PLEKHA6: variants seen among roughly 807,000 people sequenced by gnomAD.
PLEKHA6 encodes the protein pleckstrin homology domain-containing family A member 6.
PLEKHA6 carries 60 observed loss-of-function variants against 116.7 expected under a neutral mutation model. The ratio of observed to expected loss-of-function variants is 0.51; its 90% CI spans 0.42 to 0.64. PLEKHA6 has a LOEUF of 0.64. Among genes scored for constraint, PLEKHA6 ranks in the 30% least tolerant of loss-of-function variants. The pLI is 0.00. For missense variants in PLEKHA6, 1,338 were observed against 1,422.7 expected, an observed-to-expected ratio of 0.94 and a Z score of 0.96; for synonymous variants, 489 against 556.1, an observed-to-expected ratio of 0.88 and a Z score of 1.70.
chr1:204,324,969 G>A (rs1672192693), intron 1 of PLEKHA6, among the ~76,000 whole-genome samples: 1 of 151,998 alleles, frequency 6.6e-6, no homozygotes, highest in African/African-American at 2.4e-5. Flanking sequence ...CCAGGCTGGA[G>A]TGCAGTGGCG....
At chr1:204,344,599 CAAAA>C (rs58633345) in intron 1 of PLEKHA6, among the ~76,000 whole-genome samples, 44,975 of 122,018 alleles carry the variant, frequency 0.37, 8,208 homozygotes, top group Middle Eastern at 0.48. Context: ...GACTCCATCT[CAAAA>C]AAAAAAAAAA....
At chr1:204,284,633 CT>C (rs1266662381) in intron 1 of PLEKHA6, among the ~76,000 whole-genome samples, 1 of 152,038 alleles carries the variant, frequency 6.6e-6, no homozygotes, top group African/African-American at 2.4e-5. Context: ...GTGAGCTCCC[CT>C]GACGCCCCCG....
intron 21 of PLEKHA6, among the ~76,000 whole-genome samples, chr1:204,224,501 C>A (rs1476652443): frequency 6.6e-6 from 1 of 151,828 alleles, no homozygotes. Context: ...TCGTCCCCCA[C>A]CCTACCCTGG....
chr1:204,281,990 G>C (rs569859387), intron 1 of PLEKHA6, among the ~76,000 whole-genome samples: 1 of 152,180 alleles, frequency 6.6e-6, no homozygotes, highest in Admixed American at 6.5e-5. Context: ...GAAGATAGAA[G>C]AGATGGCTCC....
chr1:204,338,505 A>G (rs958533193), intron 1 of PLEKHA6, among the ~76,000 whole-genome samples: 1 of 152,180 alleles, frequency 6.6e-6, no homozygotes, highest in Non-Finnish European at 1.5e-5. Flanking sequence ...AATTTATGGA[A>G]GCCCTTTTCT....
At chr1:204,279,215 C>T (rs994232379) in intron 1 of PLEKHA6, among the ~76,000 whole-genome samples, 1 of 152,186 alleles carries the variant, frequency 6.6e-6, no homozygotes, top group Admixed American at 6.5e-5. Context: ...CTCCCACAGC[C>T]TTTGCTTAAG....
rs78025242 is a variant in PLEKHA6 at position 204,280,638 on chromosome 1, T to G, written c.-94-5829A>C. On this transcript the variant is annotated intron_variant, in intron 1 of 22. Transcript: ENST00000272203. ...AGGGGGTCCCATCCCTTCCACTTCC[T>G]TCTTTCTCCCAGCTAGCAAATTCCA... Among the ~76,000 whole-genome samples the G allele has an allele frequency of 5.9e-5, 9 of 152,322 alleles. No individual in the cohort carries two copies. The East Asian group carries it at 1.7e-3, about 29-fold the overall frequency.
intron 1 of PLEKHA6, among the ~76,000 whole-genome samples, chr1:204,310,464 A>G (rs747704400): frequency 1.1e-4 from 17 of 152,164 alleles, no homozygotes; most frequent in Non-Finnish European, 2.2e-4. Context: ...AGTTCACCAA[A>G]GTACCTCAGC....
At position 204,310,689 on chromosome 1, in the gene PLEKHA6, T is replaced by A. The variant is rs1288093988; in HGVS notation, c.-94-35880A>T. Among the ~76,000 whole-genome samples, 3 of 152,226 alleles carry A rather than the reference T, an allele frequency of 2.0e-5. No individual in the cohort carries two copies. The South Asian group carries it at 6.2e-4, about 32-fold the overall frequency. On this transcript the variant is annotated intron_variant, in intron 1 of 22. Coordinates refer to ENST00000272203, the MANE Select transcript of PLEKHA6 (RefSeq NM_014935.5). ...TCCTATACAAATGCCTTATACGTAG[T>A]AGAGATGCAATAAATAGTTGCTTGA... is the stretch of plus-strand genomic sequence containing the variant.
chr1:204,286,662 A>G (rs1669208934), intron 1 of PLEKHA6, among the ~76,000 whole-genome samples: 1 of 152,146 alleles, frequency 6.6e-6, no homozygotes, highest in South Asian at 2.1e-4. Context: ...CATTAAACCA[A>G]GCATGTGGGG....
At chr1:204,346,631 C>T (rs1673063475) in intron 1 of PLEKHA6, 1 of 639,576 alleles carries the variant, frequency 1.6e-6, no homozygotes, top group African/African-American at 1.8e-5. Context: ...TCTGATTCCT[C>T]CCTCACTTCC....
chr1:204,281,399 C>A (rs1668592064), intron 1 of PLEKHA6, among the ~76,000 whole-genome samples: 1 of 151,842 alleles, frequency 6.6e-6, no homozygotes, highest in Non-Finnish European at 1.5e-5. Context: ...GTGGCGGGCA[C>A]CTGTAGTCCC....
intron 3 of PLEKHA6, among the ~76,000 whole-genome samples, chr1:204,268,734 G>A (rs373519911): frequency 2.6e-5 from 4 of 151,734 alleles, no homozygotes; most frequent in Admixed American, 6.6e-5. Flanking sequence ...GTCATCTCAT[G>A]CCCAACATAA....
Position 204,247,348 on chromosome 1 carries a change from C to T in PLEKHA6, c.1920+17G>A, listed in dbSNP as rs770073473. 4 of 1,542,844 alleles carry T rather than the reference C, an allele frequency of 2.6e-6. No individual in the cohort carries two copies. In the East Asian group the frequency reaches 6.7e-5, roughly 26 times the overall value. On this transcript the variant is annotated intron_variant, in intron 13 of 22. Transcript: ENST00000272203. ...AGTCACATCCCAATCCCCGCCAGCTCAGGGGCCCTTCTTCACCTGGGTGTC... is the reference window on the plus strand; with the variant it reads ...AGTCACATCCCAATCCCCGCCAGCTTAGGGGCCCTTCTTCACCTGGGTGTC...
At chr1:204,305,184 C>G (rs1024311541) in intron 1 of PLEKHA6, among the ~76,000 whole-genome samples, 6 of 152,168 alleles carry the variant, frequency 3.9e-5, no homozygotes, top group Admixed American at 2.6e-4. Context: ...CCAGAGAGGA[C>G]TGGTTCCATA....
upstream of PLEKHA6, among the ~76,000 whole-genome samples, chr1:204,363,712 T>G (rs1323759417): frequency 6.6e-6 from 1 of 152,050 alleles, no homozygotes; most frequent in East Asian, 1.9e-4. Flanking sequence ...CCAGACCCAC[T>G]ATGGCTGGGA....
At chr1:204,347,837 G>A (rs1400190497) in intron 1 of PLEKHA6, among the ~76,000 whole-genome samples, 6 of 152,058 alleles carry the variant, frequency 3.9e-5, no homozygotes, top group African/African-American at 1.4e-4. Context: ...CAGAGTATAT[G>A]GATGCAGAGA....
At chr1:204,252,399 A>G (rs1664687298) in intron 9 of PLEKHA6, among the ~76,000 whole-genome samples, 1 of 151,982 alleles carries the variant, frequency 6.6e-6, no homozygotes, top group African/African-American at 2.4e-5. Context: ...CAACCAATCA[A>G]CCAGAAATGC....
At chr1:204,241,885 C>A in intron 15 of PLEKHA6, 71 bp from the exon 16 acceptor site, 1 of 1,538,188 alleles carries the variant, frequency 6.5e-7, no homozygotes, top group Admixed American at 1.7e-5. Context: ...AGTGATGTTT[C>A]TTTGTTTTTT....
Sources: gnomAD v4.1 joint callset for allele counts (sites outside exome capture counted in the v4.1 genomes callset) on GRCh38, gnomAD v4.1.1 for gene constraint, MANE v1.5 for transcripts, NCBI Gene and HGNC (gene_info 2026-07-23, HGNC 2026-07-21) for gene names.